PDZRN4: variants seen among roughly 807,000 people sequenced by gnomAD.
PDZRN4 encodes PDZ domain-containing RING finger protein 4.
In PDZRN4, 70 loss-of-function variants were observed where a neutral mutation model predicts 99.0. The ratio of observed to expected loss-of-function variants is 0.71; its 90% confidence interval spans 0.58 to 0.86. PDZRN4 has a LOEUF of 0.86. Ranked by LOEUF, PDZRN4 falls within the 40% of genes least tolerant of loss-of-function variation. The pLI is 0.00. For synonymous variants in PDZRN4, 551 were observed against 501.6 expected (o/e 1.10, Z -1.32); for missense variants, 1,474 against 1,331.2 (o/e 1.11, Z -1.67).
chr12:41,356,460 T>TA (rs1437466760), intron 3 of PDZRN4, among the ~76,000 whole-genome samples: 1 of 152,008 alleles, frequency 6.6e-6, no homozygotes, highest in Non-Finnish European at 1.5e-5. Context: ...AGAAGGAGTG[T>TA]ATTCATGCTT....
At chr12:41,380,336 A>T (rs904568994) in intron 3 of PDZRN4, among the ~76,000 whole-genome samples, 1 of 151,988 alleles carries the variant, frequency 6.6e-6, no homozygotes, top group Admixed American at 6.6e-5. Context: ...ATTCATTTAC[A>T]TTGAGAGTAA....
At chr12:41,407,301 A>G (rs1250960130) in intron 3 of PDZRN4, among the ~76,000 whole-genome samples, 5 of 152,126 alleles carry the variant, frequency 3.3e-5, no homozygotes, top group African/African-American at 1.2e-4. Context: ...AAGGCTTCTA[A>G]GTTCTGTGTT....
chr12:41,291,345 A>AG (rs914491558), intron 3 of PDZRN4, among the ~76,000 whole-genome samples: 30 of 152,238 alleles, frequency 2.0e-4, no homozygotes, highest in African/African-American at 6.7e-4. Context: ...GCTTAGGTGA[A>AG]GGCCTTCGTG....
chr12:41,301,587 G>C (rs1284044269), intron 3 of PDZRN4, among the ~76,000 whole-genome samples: 1 of 151,966 alleles, frequency 6.6e-6, no homozygotes, highest in Non-Finnish European at 1.5e-5. Flanking sequence ...CTAAATTCAA[G>C]AGCTTATTGC....
intron 3 of PDZRN4, among the ~76,000 whole-genome samples, chr12:41,503,797 A>G (rs1938152778): frequency 6.6e-6 from 1 of 152,232 alleles, no homozygotes; most frequent in Non-Finnish European, 1.5e-5. Context: ...GTGCATTAGT[A>G]GAATTTAATG....
intron 3 of PDZRN4, among the ~76,000 whole-genome samples, chr12:41,421,983 T>C (rs1592053544): frequency 6.6e-6 from 1 of 152,310 alleles, no homozygotes; most frequent in Middle Eastern, 3.4e-3. Flanking sequence ...TATTTAATTA[T>C]TTAAGATGAG....
chr12:41,318,479 A>G (rs2120967936), intron 3 of PDZRN4, among the ~76,000 whole-genome samples: 1 of 152,328 alleles, frequency 6.6e-6, no homozygotes, highest in African/African-American at 2.4e-5. Context: ...GAGACAAATA[A>G]CAAGTTATTA....
intron 5 of PDZRN4, among the ~76,000 whole-genome samples, chr12:41,511,995 A>G (rs959032337): frequency 2.0e-5 from 3 of 152,116 alleles, no homozygotes; most frequent in African/African-American, 7.2e-5. Context: ...AGCGGGATGG[A>G]TGAGCACCTT....
chr12:41,440,331 C>T (rs777179561), intron 3 of PDZRN4, among the ~76,000 whole-genome samples: 7 of 152,030 alleles, frequency 4.6e-5, no homozygotes, highest in East Asian at 1.9e-4. Context: ...GCAGCGATCA[C>T]GAAACATATG....
intron 3 of PDZRN4, among the ~76,000 whole-genome samples, chr12:41,312,070 G>A (rs1027603815): frequency 6.6e-6 from 1 of 152,116 alleles, no homozygotes; most frequent in African/African-American, 2.4e-5. Flanking sequence ...CTCAGTCAGT[G>A]TTAGGGTTCT....
rs141913597 is a variant in PDZRN4, at chr12:41,372,577, A to G, written c.844-133879A>G. 2.5e-3 allele frequency among the ~76,000 whole-genome samples: 377 copies of G among 152,318 alleles called. 2 individuals are homozygous for G. The highest frequency in any genetic ancestry group is 8.3e-3 in the African/African-American group (347 of 41,584). On this transcript the variant is annotated intron_variant, in intron 3 of 9. Coordinates refer to ENST00000402685, the MANE Select transcript of PDZRN4 (RefSeq NM_001164595.2). ...GAGCCAGATAGATGAAGAGTCAGGT[A>G]TACCAGAGGTATAAACTTAGTTCAC...
chr12:41,533,307 TG>T (rs1938695093), intron 5 of PDZRN4, among the ~76,000 whole-genome samples: 1 of 152,024 alleles, frequency 6.6e-6, no homozygotes, highest in African/African-American at 2.4e-5. Context: ...CCTGAGTAGC[TG>T]GGATTACAGG....
chr12:41,532,653 A>G (rs1938680586), intron 5 of PDZRN4, among the ~76,000 whole-genome samples: 2 of 152,286 alleles, frequency 1.3e-5, no homozygotes, highest in South Asian at 4.1e-4. Flanking sequence ...GCAATATTAC[A>G]TAGTAGGTAA....
At position 41,405,347 on chromosome 12, in the gene PDZRN4, T is replaced by C. The variant is rs182299307; in HGVS notation, c.844-101109T>C. On this transcript the variant is annotated intron_variant, in intron 3 of 9. Coordinates refer to ENST00000402685, the MANE Select transcript of PDZRN4 (RefSeq NM_001164595.2). ...AACAGCCAACAAACATATGAAAAAA[T>C]GCTTGTCATCACTAATTATCAGAGA... Among the ~76,000 whole-genome samples the C allele has an allele frequency of 5.3e-5, 8 of 152,146 alleles. No individual in the cohort carries two copies. The East Asian group carries it at 1.5e-3, about 29-fold the overall frequency.
chr12:41,430,469 A>G (rs961034937), intron 3 of PDZRN4, among the ~76,000 whole-genome samples: 1 of 150,716 alleles, frequency 6.6e-6, no homozygotes, highest in African/African-American at 2.4e-5. Flanking sequence ...CTCCATCTAA[A>G]AAAAAAAAAA....
At chr12:41,351,023 G>A (rs1373319563) in intron 3 of PDZRN4, among the ~76,000 whole-genome samples, 1 of 152,140 alleles carries the variant, frequency 6.6e-6, no homozygotes, top group Non-Finnish European at 1.5e-5. Context: ...TTAAAAGGAA[G>A]TGGAATACAT....
Position 41,567,916 on chromosome 12 carries a change from G to A in PDZRN4, c.1584+17G>A. On this transcript the variant is annotated intron_variant, in intron 9 of 9. Coordinates refer to ENST00000402685, the MANE Select transcript of PDZRN4 (RefSeq NM_001164595.2). ...GTGGAGCAGGTAGGGCCAACAATTTGAACTACATCATTTGATATGTTGCTT... is the reference window on the plus strand; with the variant it reads ...GTGGAGCAGGTAGGGCCAACAATTTAAACTACATCATTTGATATGTTGCTT... 7 of 1,373,292 alleles carry A rather than the reference G, an allele frequency of 5.1e-6. No individual in the cohort carries two copies. The highest frequency in any genetic ancestry group is 7.1e-6 in the Non-Finnish European group (7 of 979,810). 85.1% of individuals were successfully genotyped at this position (1,373,292 alleles called of 1,614,324 possible).
chr12:41,397,077 T>G (rs1952251632), intron 3 of PDZRN4, among the ~76,000 whole-genome samples: 1 of 152,166 alleles, frequency 6.6e-6, no homozygotes, highest in African/African-American at 2.4e-5. Context: ...CATTTTTAAG[T>G]GGTGTGTCTA....
chr12:41,229,282 T>C lies in PDZRN4; in HGVS notation c.843+35094T>C, dbSNP rs543509113. On this transcript the variant is annotated intron_variant, in intron 3 of 9. Coordinates refer to ENST00000402685, the MANE Select transcript of PDZRN4 (RefSeq NM_001164595.2). ...ATGCTCACTATGGCACACCCCAGAA[T>C]TGTTTAATGAAAGAATCTTTTAAAG... Among the ~76,000 whole-genome samples the C allele has an allele frequency of 2.9e-4, 44 of 152,010 alleles. No homozygotes were observed. The South Asian group carries it at 9.2e-3, about 32-fold the overall frequency.
Sources: gnomAD v4.1 joint callset for allele counts (sites outside exome capture counted in the v4.1 genomes callset) on GRCh38, gnomAD v4.1.1 for gene constraint, MANE v1.5 for transcripts, NCBI Gene and HGNC (gene_info 2026-07-23, HGNC 2026-07-21) for gene names.